The following DCC variants were observed in gnomAD, a reference collection of about 807,000 sequenced individuals.
DCC encodes the protein DCC netrin 1 receptor, also known as netrin receptor DCC.
Under a neutral mutation model 172.5 loss-of-function variants are expected in DCC, and 58 were observed. The ratio of observed to expected loss-of-function variants is 0.34; its 90% CI spans 0.27 to 0.42. DCC has a LOEUF of 0.42. Among genes scored for constraint, DCC ranks in the 10% least tolerant of loss-of-function variants. The probability of loss-of-function intolerance (pLI) is 1.00; values close to 1 mark genes in which losing one functional copy is unlikely to be tolerated. For synonymous variants in DCC, 709 were observed against 644.5 expected (o/e 1.10, Z -1.52); for missense variants, 1,740 against 1,791.0 (o/e 0.97, Z 0.51).
In DCC at chr18:53,205,292, C is replaced by G. The variant is rs1157118756; in HGVS notation, c.1650C>G (p.Pro550=). 1 of 1,613,850 alleles carries G rather than the reference C, an allele frequency of 6.2e-7. No homozygotes were observed. Among genetic ancestry groups the G allele is most frequent in the South Asian group, 1.1e-5 (1 of 91,086 alleles). Residue 550 remains proline, a synonymous_variant, in exon 10 of 29, where the codon CCC becomes CCG. Transcript: ENST00000442544. ...CCTCAATTCTTATTACCTGGGAACC[C>G]CCTGCCTATGCAAACGGTCCAGTCC... The part of the protein sequence containing the change: ...SPTSILITWE[P]PAYANGPVQG...
At chr18:52,785,519 T>C (rs1034974265) in intron 2 of DCC, among the ~76,000 whole-genome samples, 1 of 152,016 alleles carries the variant, frequency 6.6e-6, no homozygotes, top group African/African-American at 2.4e-5. Flanking sequence ...TACTTCCTGC[T>C]GAAAGGGGTA....
intron 9 of DCC, among the ~76,000 whole-genome samples, chr18:53,185,375 T>C (rs989312350): frequency 1.3e-5 from 2 of 152,188 alleles, no homozygotes; most frequent in African/African-American, 4.8e-5. Flanking sequence ...TTCATTCATT[T>C]AAAAATATTT....
intron 7 of DCC, among the ~76,000 whole-genome samples, chr18:53,071,005 A>G (rs1033412762): frequency 6.6e-6 from 1 of 152,206 alleles, no homozygotes; most frequent in Non-Finnish European, 1.5e-5. Flanking sequence ...AACGGTCACC[A>G]TATATTTTGA....
At chr18:52,933,816 T>C (rs2040343590) in intron 5 of DCC, among the ~76,000 whole-genome samples, 1 of 152,078 alleles carries the variant, frequency 6.6e-6, no homozygotes, top group Non-Finnish European at 1.5e-5. Context: ...GCTTTTAGTA[T>C]AACATCACCT....
At chr18:52,642,085 C>T (rs73457856) in intron 1 of DCC, among the ~76,000 whole-genome samples, 1,353 of 124,624 alleles carry the variant, frequency 0.011, 76 homozygotes, top group African/African-American at 0.037. Context: ...TATATACACA[C>T]ACACACACAC....
chr18:52,608,782 C>T (rs1343039231), intron 1 of DCC, among the ~76,000 whole-genome samples: 3 of 152,172 alleles, frequency 2.0e-5, no homozygotes, highest in Non-Finnish European at 2.9e-5. Flanking sequence ...CATACATTCT[C>T]AAATTTGCCT....
intron 3 of DCC, among the ~76,000 whole-genome samples, chr18:52,917,897 C>T (rs1305263827): frequency 6.6e-6 from 1 of 152,150 alleles, no homozygotes; most frequent in African/African-American, 2.4e-5. Flanking sequence ...AGTTACATAA[C>T]TTTGTACATT....
At chr18:52,963,443 A>G (rs972044298) in intron 5 of DCC, among the ~76,000 whole-genome samples, 1 of 152,130 alleles carries the variant, frequency 6.6e-6, no homozygotes, top group East Asian at 1.9e-4. Flanking sequence ...GCAGAAAGCA[A>G]GACTGTGAAG....
intron 9 of DCC, among the ~76,000 whole-genome samples, chr18:53,180,853 TC>T (rs1452137590): frequency 2.0e-5 from 3 of 152,032 alleles, no homozygotes; most frequent in Admixed American, 2.0e-4. Flanking sequence ...CCTCAAGTGA[TC>T]CCCCTGCCTC....
chr18:52,850,283 C>A (rs1240568439), intron 2 of DCC, among the ~76,000 whole-genome samples: 1 of 152,166 alleles, frequency 6.6e-6, no homozygotes, highest in Non-Finnish European at 1.5e-5. Flanking sequence ...GGAAGCACAT[C>A]GTTTGTGTAT....
At chr18:52,814,588 AAAT>A (rs1394375979) in intron 2 of DCC, among the ~76,000 whole-genome samples, 1 of 152,232 alleles carries the variant, frequency 6.6e-6, no homozygotes, top group Non-Finnish European at 1.5e-5. Flanking sequence ...AAAGATTGCT[AAAT>A]AATAGGCAAA....
At chr18:53,079,804 G>T (rs1450933526) in intron 7 of DCC, among the ~76,000 whole-genome samples, 1 of 152,116 alleles carries the variant, frequency 6.6e-6, no homozygotes, top group Non-Finnish European at 1.5e-5. Context: ...ATTGCTGGTA[G>T]AAGAAACATT....
In DCC at chr18:53,169,883, C is replaced by T. The variant is rs111229695; in HGVS notation, c.1419-9079C>T. 2.0e-5 allele frequency among the ~76,000 whole-genome samples: 3 copies of T among 152,274 alleles called. 1 individual carries two copies. Among genetic ancestry groups the T allele is most frequent in the African/African-American group, 7.2e-5 (3 of 41,558 alleles). On this transcript the variant is annotated intron_variant, in intron 8 of 28. Coordinates refer to ENST00000442544, the MANE Select transcript of DCC (RefSeq NM_005215.4). ...GCAGAGAGGAAATCCTTAATTACTG[C>T]TTCATGGAAAATTTACTTTAGGTGG...
chr18:52,376,454 G>T (rs1383195281), intron 1 of DCC, among the ~76,000 whole-genome samples: 1 of 151,684 alleles, frequency 6.6e-6, no homozygotes, highest in Non-Finnish European at 1.5e-5. Context: ...GAATAGACTT[G>T]AATTTCTCAA....
chr18:53,110,210 C>T (rs534033369), intron 7 of DCC, among the ~76,000 whole-genome samples: 2 of 151,564 alleles, frequency 1.3e-5, no homozygotes, highest in Admixed American at 6.6e-5. Context: ...TGACTTGTTG[C>T]TCCTCAGTTT....
chr18:53,247,943 C>T (rs1466873633), intron 12 of DCC, among the ~76,000 whole-genome samples: 1 of 151,958 alleles, frequency 6.6e-6, no homozygotes. Context: ...TTCATAATTT[C>T]TTGACTTTCT....
chr18:52,556,539 G>C (rs913894759), intron 1 of DCC, among the ~76,000 whole-genome samples: 5 of 152,024 alleles, frequency 3.3e-5, no homozygotes, highest in Non-Finnish European at 7.4e-5. Context: ...AGAGCAGAAA[G>C]GAAAATACCC....
chr18:53,173,694 C>T (rs191043686), intron 8 of DCC, among the ~76,000 whole-genome samples: 127 of 150,948 alleles, frequency 8.4e-4, no homozygotes, highest in African/African-American at 3.0e-3. Flanking sequence ...CCTGAGTGAC[C>T]TACAAACAGA....
chr18:52,851,554 C>T (rs1178572092), intron 2 of DCC, among the ~76,000 whole-genome samples: 4 of 152,040 alleles, frequency 2.6e-5, no homozygotes, highest in East Asian at 1.9e-4. Context: ...TGTTGTTTCC[C>T]TTTGGGTTAT....
Sources: gnomAD v4.1 joint callset for allele counts (sites outside exome capture counted in the v4.1 genomes callset) on GRCh38, gnomAD v4.1.1 for gene constraint, MANE v1.5 for transcripts, NCBI Gene and HGNC (gene_info 2026-07-23, HGNC 2026-07-21) for gene names.